Variants in SLC4A10 observed in about 807,000 individuals in gnomAD.
The protein encoded by SLC4A10 is solute carrier family 4 member 10.
In SLC4A10, 42 loss-of-function variants were observed where a neutral mutation model predicts 137.7. That is an observed-to-expected ratio of 0.30 (90% confidence interval 0.24 to 0.39). The LOEUF (loss-of-function observed/expected upper bound fraction) is 0.39. Ranked by LOEUF, SLC4A10 falls within the 10% of genes least tolerant of loss-of-function variation. SLC4A10 has a pLI of 1.00. For synonymous variants in SLC4A10, 474 were observed against 464.1 expected (o/e 1.02, Z -0.27); for missense variants, 925 against 1,355.0 (o/e 0.68, Z 4.98).
intron 4 of SLC4A10, among the ~76,000 whole-genome samples, chr2:161,840,772 T>C (rs144633259): frequency 2.3e-4 from 35 of 152,372 alleles, no homozygotes; most frequent in African/African-American, 7.9e-4. Flanking sequence ...CAAATTTTAA[T>C]GTGACTACCA....
rs187803793 is a variant in SLC4A10 at position 161,772,334 on chromosome 2, T to A, written c.130+1280T>A. Among the ~76,000 whole-genome samples, 365 of 151,988 alleles carry A rather than the reference T, an allele frequency of 2.4e-3. 1 individual carries two copies. Among genetic ancestry groups the A allele is most frequent in the African/African-American group, 8.3e-3 (343 of 41,526 alleles). On this transcript the variant is annotated intron_variant, in intron 2 of 26. Coordinates refer to ENST00000446997, the MANE Select transcript of SLC4A10 (RefSeq NM_001178015.2). Reference sequence around the variant, plus strand: ...ATGCTATGACAAGCTATCCTTATATTTACTAAACACACACCAAGAAAACTA... The same window carrying A: ...ATGCTATGACAAGCTATCCTTATATATACTAAACACACACCAAGAAAACTA...
chr2:161,938,528 G>A (rs879614987), intron 15 of SLC4A10, among the ~76,000 whole-genome samples: 29 of 150,328 alleles, frequency 1.9e-4, no homozygotes, highest in Non-Finnish European at 4.1e-4. Context: ...CATTATTATC[G>A]ATAATAATCT....
intron 2 of SLC4A10, among the ~76,000 whole-genome samples, chr2:161,778,330 CCT>C (rs2052620325): frequency 6.6e-6 from 1 of 151,884 alleles, no homozygotes; most frequent in Non-Finnish European, 1.5e-5. Flanking sequence ...CTCCTCTTAA[CCT>C]CTCTTTATGA....
At chr2:161,965,328 T>TA (rs1697396724) in intron 23 of SLC4A10, among the ~76,000 whole-genome samples, 155 bp downstream of exon 23, 1 of 152,206 alleles carries the variant, frequency 6.6e-6, no homozygotes, top group Admixed American at 6.5e-5. Flanking sequence ...GTTTAATGTT[T>TA]AAAATCATAA....
rs1030885875 is a variant in SLC4A10 at position 161,771,325 on chromosome 2, C to T, written c.130+271C>T. Among the ~76,000 whole-genome samples, 4 of 151,940 alleles carry T rather than the reference C, an allele frequency of 2.6e-5. No individual in the cohort carries two copies. In the South Asian group the frequency reaches 8.3e-4, roughly 32 times the overall value. ...TACTGTGTGTCAATCTTTCAATAATCCTTGCTTCATGTAATTACAATCAAT... is the reference window on the plus strand; with the variant it reads ...TACTGTGTGTCAATCTTTCAATAATTCTTGCTTCATGTAATTACAATCAAT... On this transcript the variant is annotated intron_variant, in intron 2 of 26. Coordinates refer to ENST00000446997, the MANE Select transcript of SLC4A10 (RefSeq NM_001178015.2).
intron 10 of SLC4A10, among the ~76,000 whole-genome samples, chr2:161,886,811 C>CT (rs1201151973): frequency 6.6e-6 from 1 of 151,874 alleles, no homozygotes; most frequent in Non-Finnish European, 1.5e-5. Context: ...TTTTTGTATA[C>CT]TTTAAGTTCT....
At chr2:161,873,861 G>C in intron 7 of SLC4A10, 55 bp from the exon 8 acceptor site, 1 of 1,529,838 alleles carries the variant, frequency 6.5e-7, no homozygotes, top group Non-Finnish European at 8.8e-7. Context: ...GGTGCCTGGC[G>C]GAGTCTCCGT....
intron 18 of SLC4A10, among the ~76,000 whole-genome samples, chr2:161,949,586 G>T (rs1254158077): frequency 6.6e-6 from 1 of 151,984 alleles, no homozygotes; most frequent in Admixed American, 6.6e-5. Context: ...TGGCAGAATT[G>T]TACAGTGAAT....
chr2:161,798,849 A>T (rs912548395), intron 2 of SLC4A10, among the ~76,000 whole-genome samples: 1 of 149,178 alleles, frequency 6.7e-6, no homozygotes, highest in Non-Finnish European at 1.5e-5. Flanking sequence ...TCTAACAGAG[A>T]TTCTATAGGA....
chr2:161,719,781 A>G (rs1207744211), intron 1 of SLC4A10, among the ~76,000 whole-genome samples: 1 of 152,002 alleles, frequency 6.6e-6, no homozygotes, highest in Non-Finnish European at 1.5e-5. Context: ...TTCATTGTAG[A>G]TTCTGGATAT....
intron 1 of SLC4A10, among the ~76,000 whole-genome samples, chr2:161,760,443 G>T (rs2050142009): frequency 6.6e-6 from 1 of 151,914 alleles, no homozygotes; most frequent in African/African-American, 2.4e-5. Flanking sequence ...CCTGTCCCAG[G>T]GTTTGAGAGA....
chr2:161,671,520 G>A lies in SLC4A10; in HGVS notation c.48+46954G>A, dbSNP rs1377597021. Among the ~76,000 whole-genome samples, 2 of 152,052 alleles carry A rather than the reference G, an allele frequency of 1.3e-5. 1 individual carries two copies. The highest frequency in any genetic ancestry group is 6.3e-3 in the Middle Eastern group (2 of 316). On this transcript the variant is annotated intron_variant, in intron 1 of 26. Transcript: ENST00000446997. ...GTAAATTCAAAAATTATCTCACACT[G>A]GGGACTATTAGAAGGGAAGAGAGAG...
intron 3 of SLC4A10, among the ~76,000 whole-genome samples, chr2:161,808,175 A>G (rs770787064): frequency 1.4e-4 from 21 of 152,044 alleles, no homozygotes; most frequent in Non-Finnish European, 2.2e-4. Context: ...ATGCTTAAAC[A>G]TGTCCTATTT....
intron 10 of SLC4A10, among the ~76,000 whole-genome samples, chr2:161,888,305 A>G (rs1351767050): frequency 6.6e-6 from 1 of 152,186 alleles, no homozygotes; most frequent in African/African-American, 2.4e-5. Flanking sequence ...TGAAATTTAA[A>G]GTCGTTTTTT....
chr2:161,902,044 A>C (rs954102277), intron 12 of SLC4A10: 1 of 456,292 alleles, frequency 2.2e-6, no homozygotes, highest in African/African-American at 2.0e-5. Flanking sequence ...AATATCCGGT[A>C]TCTTCGCTTC....
At chr2:161,928,022 GTATATACCCAAAGGACTATAAATC>G (rs1689512326) in intron 15 of SLC4A10, among the ~76,000 whole-genome samples, 2 of 150,362 alleles carry the variant, frequency 1.3e-5, no homozygotes, top group South Asian at 4.3e-4. Context: ...CCATTACTGG[GTATATACCCAAAGGACTATAAATC>G]ATGCTGCTAT....
At chr2:161,769,224 T>A (rs974154396) in intron 1 of SLC4A10, among the ~76,000 whole-genome samples, 1 of 151,936 alleles carries the variant, frequency 6.6e-6, no homozygotes, top group African/African-American at 2.4e-5. Flanking sequence ...CCCATATCAA[T>A]AAAGTCAGCC....
intron 1 of SLC4A10, 144 bp from the exon 2 acceptor site, chr2:161,770,829 T>C: frequency 5.9e-6 from 3 of 512,078 alleles, no homozygotes; most frequent in South Asian, 6.9e-5. Flanking sequence ...AGCCAACACT[T>C]ACTAATCAAA....
chr2:161,723,689 A>G (rs576666965), intron 1 of SLC4A10, among the ~76,000 whole-genome samples: 2 of 152,364 alleles, frequency 1.3e-5, no homozygotes, highest in South Asian at 4.1e-4. Context: ...ATGCATCAGA[A>G]TCAAATACGT....
Sources: allele counts gnomAD v4.1 joint callset (sites outside exome capture counted in the v4.1 genomes callset), GRCh38; gene constraint gnomAD v4.1.1; transcripts MANE v1.5; gene names NCBI Gene and HGNC (gene_info 2026-07-23, HGNC 2026-07-21).